ROR1: variants seen among roughly 807,000 people sequenced by gnomAD.
ROR1 encodes inactive tyrosine-protein kinase transmembrane receptor ROR1.
A neutral mutation model predicts 78.8 loss-of-function variants in ROR1; 19 were observed. The observed-to-expected ratio is 0.24, with a 90% confidence interval of 0.17 to 0.35. The LOEUF (loss-of-function observed/expected upper bound fraction) is 0.35, where lower values mean the gene tolerates loss of function less well. Among genes scored for constraint, ROR1 ranks in the 10% least tolerant of loss-of-function variants. The pLI is 1.00. For synonymous variants in ROR1, 386 were observed against 433.6 expected (o/e 0.89, Z 1.36); for missense variants, 917 against 1,177.8 (o/e 0.78, Z 3.24).
At chr1:64,150,127 T>C (rs148859884) in intron 7 of ROR1, among the ~76,000 whole-genome samples, 2 of 152,354 alleles carry the variant, frequency 1.3e-5, no homozygotes, top group Admixed American at 1.3e-4. Flanking sequence ...GTCACATTTC[T>C]TCTCCTAGCC....
chr1:63,988,652 C>T (rs939490995), intron 1 of ROR1, among the ~76,000 whole-genome samples: 1 of 152,188 alleles, frequency 6.6e-6, no homozygotes, highest in Non-Finnish European at 1.5e-5. Flanking sequence ...CCCCACCCTG[C>T]CTCTGCCTCC....
At chr1:63,844,654 TG>T (rs1464220981) in intron 1 of ROR1, among the ~76,000 whole-genome samples, 11 of 152,254 alleles carry the variant, frequency 7.2e-5, no homozygotes, top group Non-Finnish European at 8.8e-5. Context: ...TGGGTAAAGC[TG>T]GGGCTGAGGT....
chr1:63,939,264 A>G lies in ROR1; in HGVS notation c.92-70041A>G, dbSNP rs555175771. Among the ~76,000 whole-genome samples, 4 of 152,278 alleles carry G rather than the reference A, an allele frequency of 2.6e-5. No individual in the cohort carries two copies. In the South Asian group the frequency reaches 8.3e-4, roughly 32 times the overall value. On this transcript the variant is annotated intron_variant, in intron 1 of 8. Transcript: ENST00000371079. Reference sequence around the variant, plus strand: ...GCATCTTTTAAAAATCCCCATGCCCAGGTCAGCTTTAAGCCAATGAAATCA... The same window carrying G: ...GCATCTTTTAAAAATCCCCATGCCCGGGTCAGCTTTAAGCCAATGAAATCA...
intron 4 of ROR1, among the ~76,000 whole-genome samples, chr1:64,051,221 G>T (rs540120199): frequency 1.3e-3 from 199 of 152,200 alleles, no homozygotes; most frequent in Admixed American, 4.2e-3. Flanking sequence ...GGAGGCCGAG[G>T]TGGGTGGATC....
chr1:64,091,875 T>TG, intron 4 of ROR1, among the ~76,000 whole-genome samples: 1 of 152,306 alleles, frequency 6.6e-6, no homozygotes, highest in African/African-American at 2.4e-5. Context: ...GCGATGGGTA[T>TG]GAGCAGTGTC....
At chr1:63,918,939 A>G (rs748033417) in intron 1 of ROR1, among the ~76,000 whole-genome samples, 1 of 152,228 alleles carries the variant, frequency 6.6e-6, no homozygotes, top group Non-Finnish European at 1.5e-5. Flanking sequence ...TTTTAAAAAG[A>G]TAAGTTTGCT....
intron 1 of ROR1, among the ~76,000 whole-genome samples, chr1:63,909,495 AG>A (rs1557556157): frequency 6.6e-6 from 1 of 152,182 alleles, no homozygotes; most frequent in Non-Finnish European, 1.5e-5. Context: ...AAGAAGCCAC[AG>A]TTGGGTTGTT....
intron 1 of ROR1, among the ~76,000 whole-genome samples, chr1:63,997,823 T>C (rs987686988): frequency 4.8e-5 from 6 of 124,012 alleles, no homozygotes; most frequent in African/African-American, 1.6e-4. Flanking sequence ...TCTGTATCTA[T>C]GATTAGTGTT....
Position 64,151,284 on chromosome 1 carries a change from G to A in ROR1, c.1175-7697G>A, listed in dbSNP as rs115878283. On this transcript the variant is annotated intron_variant, in intron 7 of 8. Coordinates refer to ENST00000371079, the MANE Select transcript of ROR1 (RefSeq NM_005012.4). Reference sequence around the variant, plus strand: ...TGTCCAGCACATGCTGTGGCCTTTGGTAGAGGGATATAGTCAACCCTCAGC... The same window carrying A: ...TGTCCAGCACATGCTGTGGCCTTTGATAGAGGGATATAGTCAACCCTCAGC... Among the ~76,000 whole-genome samples, 342 of 152,260 alleles carry A rather than the reference G, an allele frequency of 2.2e-3. 3 individuals carry two copies. Among genetic ancestry groups the A allele is most frequent in the African/African-American group, 8.1e-3 (336 of 41,548 alleles).
Position 64,177,594 on chromosome 1 carries a change from C to T in ROR1, c.1553C>T (p.Thr518Met), listed in dbSNP as rs7527017. Residue 518 changes from threonine (T) to methionine (M), a missense_variant, in exon 9 of 9, where the codon ACG becomes ATG. Transcript: ENST00000371079. Reference sequence around the variant, plus strand: ...GACTATAACAACCCCCAGCAATGGACGGAATTTCAACAAGAAGCCTCCCTA... The same window carrying T: ...GACTATAACAACCCCCAGCAATGGATGGAATTTCAACAAGAAGCCTCCCTA... Reference protein sequence around the residue: ...LKDYNNPQQWTEFQQEASLMA... With the variant: ...LKDYNNPQQWMEFQQEASLMA... 0.32 allele frequency: 508,980 copies of T among 1,613,694 alleles called. 83,387 individuals carry two copies. Among genetic ancestry groups the T allele is most frequent in the East Asian group, 0.34 (15,129 of 44,854 alleles).
In ROR1 at chr1:64,179,324, A is replaced by T. The variant is rs558137390; in HGVS notation, c.*469A>T. 1 of 154,436 alleles carries T rather than the reference A, an allele frequency of 6.5e-6. No individual in the cohort carries two copies. Among genetic ancestry groups the T allele is most frequent in the East Asian group, 1.9e-4 (1 of 5,208 alleles). The allele number at this position is 154,436 out of a possible 1,614,324, so 9.6% of individuals were successfully genotyped here. On this transcript the variant is annotated 3_prime_UTR_variant, in exon 9 of 9. Coordinates refer to ENST00000371079, the MANE Select transcript of ROR1 (RefSeq NM_005012.4). ...TTCAGGAATTATATTGATTGAATTTAGACTCTGTGCATGTTCTTATGGAAA... is the reference window on the plus strand; with the variant it reads ...TTCAGGAATTATATTGATTGAATTTTGACTCTGTGCATGTTCTTATGGAAA...
chr1:63,862,863 A>G (rs1167103065), intron 1 of ROR1, among the ~76,000 whole-genome samples: 1 of 152,242 alleles, frequency 6.6e-6, no homozygotes, highest in Non-Finnish European at 1.5e-5. Context: ...ATGTACAAAG[A>G]AGACTTTTAA....
At chr1:63,782,557 GT>G (rs34238826) in intron 1 of ROR1, among the ~76,000 whole-genome samples, 40 of 76,752 alleles carry the variant, frequency 5.2e-4, no homozygotes, top group South Asian at 1.0e-3. Flanking sequence ...TTTTTTTTTT[GT>G]TTTTTTTTTT....
intron 2 of ROR1, among the ~76,000 whole-genome samples, chr1:64,023,928 G>A (rs564165192): frequency 1.3e-5 from 2 of 152,116 alleles, no homozygotes; most frequent in Non-Finnish European, 2.9e-5. Flanking sequence ...GATCATGGGC[G>A]CGGTTTTCCC....
chr1:63,832,031 C>G (rs558211665), intron 1 of ROR1, among the ~76,000 whole-genome samples: 4 of 152,320 alleles, frequency 2.6e-5, no homozygotes, highest in South Asian at 4.1e-4. Flanking sequence ...CCACCGGTCT[C>G]TTTGCTAAAG....
At chr1:63,836,619 ACTT>A (rs1386579855) in intron 1 of ROR1, among the ~76,000 whole-genome samples, 2 of 152,186 alleles carry the variant, frequency 1.3e-5, no homozygotes, top group Non-Finnish European at 2.9e-5. Flanking sequence ...CTACTCCATG[ACTT>A]CTTCTTGCAG....
At chr1:63,914,567 G>T (rs1384314496) in intron 1 of ROR1, among the ~76,000 whole-genome samples, 1 of 152,174 alleles carries the variant, frequency 6.6e-6, no homozygotes, top group Non-Finnish European at 1.5e-5. Flanking sequence ...GAAGAAGACA[G>T]TTCAAATCCC....
chr1:63,963,444 C>G (rs907766421), intron 1 of ROR1, among the ~76,000 whole-genome samples: 1 of 151,934 alleles, frequency 6.6e-6, no homozygotes, highest in Admixed American at 6.6e-5. Flanking sequence ...TGGTGCACAC[C>G]TGTAATCCCA....
At chr1:63,980,294 CTCT>C (rs1468555616) in intron 1 of ROR1, among the ~76,000 whole-genome samples, 4 of 152,074 alleles carry the variant, frequency 2.6e-5, no homozygotes, top group Non-Finnish European at 5.9e-5. Context: ...AGTGGGTGAT[CTCT>C]TGAGGAAATG....
Sources: allele counts gnomAD v4.1 joint callset (sites outside exome capture counted in the v4.1 genomes callset), GRCh38; gene constraint gnomAD v4.1.1; transcripts MANE v1.5; gene names NCBI Gene and HGNC (gene_info 2026-07-23, HGNC 2026-07-21).